The following IL17RD variants were observed in gnomAD, a reference collection of about 807,000 sequenced individuals.
IL17RD encodes the protein interleukin 17 receptor D, also known as interleukin-17 receptor D.
Under a neutral mutation model 80.5 loss-of-function variants are expected in IL17RD, and 52 were observed. The ratio of observed to expected loss-of-function variants is 0.65; its 90% CI spans 0.52 to 0.81. The LOEUF (loss-of-function observed/expected upper bound fraction) is 0.81. Among genes scored for constraint, IL17RD ranks in the 40% least tolerant of loss-of-function variants. IL17RD has a pLI of 0.00. For synonymous variants in IL17RD, 416 were observed against 391.8 expected, an observed-to-expected ratio of 1.06 and a Z score of -0.73; for missense variants, 1,024 against 955.1, an observed-to-expected ratio of 1.07 and a Z score of -0.95.
Position 57,091,842 on chromosome 3 carries a change from C to T in IL17RD, c.*4551G>A, listed in dbSNP as rs1706562022. 6.6e-6 allele frequency: 1 copy of T among 152,172 alleles called. No homozygotes were observed. The highest frequency in any genetic ancestry group is 2.1e-4 in the South Asian group (1 of 4,826). 9.4% of individuals were successfully genotyped at this position (152,172 alleles called of 1,614,324 possible). A position where few individuals can be genotyped will look rare whatever the true frequency, so the allele number is the denominator to read the frequency against. On this transcript the variant is annotated 3_prime_UTR_variant, in exon 13 of 13. Coordinates refer to ENST00000296318, the MANE Select transcript of IL17RD (RefSeq NM_017563.5). ...CTACAGCCATATGTCTGGAATAATT[C>T]AGGCACAGCCCTGTCTGACACCAGG...
In IL17RD at chr3:57,097,993, A is replaced by G; in HGVS notation, c.1710T>C (p.Pro570=). The G allele has an allele frequency of 6.2e-7, 1 of 1,613,980 alleles. No individual in the cohort carries two copies. Among genetic ancestry groups the G allele is most frequent in the Non-Finnish European group, 8.5e-7 (1 of 1,179,882 alleles). ...FEKQFVPFHP[P]PLRYREPVLE... Reference sequence around the variant, plus strand: ...AGACTGGCTCCCGGTAGCGCAGTGGAGGAGGATGGAAGGGAACGAACTGCT... The same window carrying G: ...AGACTGGCTCCCGGTAGCGCAGTGGGGGAGGATGGAAGGGAACGAACTGCT... The change falls in exon 12 of 13, where the codon CCT becomes CCC. Residue 570 remains proline, a synonymous_variant. Transcript: ENST00000296318.
At chr3:57,159,433 TC>T (rs1197951431) in intron 1 of IL17RD, among the ~76,000 whole-genome samples, 1 of 152,112 alleles carries the variant, frequency 6.6e-6, no homozygotes, top group East Asian at 1.9e-4. Flanking sequence ...GCAAATAGTC[TC>T]TTTACTTCCC....
At chr3:57,133,782 C>T (rs1182369733) in intron 1 of IL17RD, among the ~76,000 whole-genome samples, 1 of 152,158 alleles carries the variant, frequency 6.6e-6, no homozygotes, top group Admixed American at 6.6e-5. Context: ...CATATTTCCA[C>T]CCCTGATGAA....
At position 57,110,325 on chromosome 3, in the gene IL17RD, A is replaced by T; in HGVS notation, c.311-14T>A. 6.4e-7 allele frequency: 1 copy of T among 1,574,640 alleles called. No homozygotes were observed. The highest frequency in any genetic ancestry group is 8.6e-7 in the Non-Finnish European group (1 of 1,158,598). ...GGAATTCGATGCCTAAGCAAAGCAG[A>T]ATGCTTTTATTAATAGTGAACCTAA... is the stretch of plus-strand genomic sequence containing the variant. On this transcript the variant is annotated splice_polypyrimidine_tract_variant and intron_variant, in intron 3 of 12. Transcript: ENST00000296318.
intron 7 of IL17RD, among the ~76,000 whole-genome samples, chr3:57,105,552 A>AAAAAATATATACATATATATATAT: frequency 1.6e-5 from 1 of 63,590 alleles, no homozygotes; most frequent in Non-Finnish European, 2.8e-5. Context: ...AAAAAAAAAA[A>AAAAAATATATACATATATATATAT]ATATATATAT....
At chr3:57,110,458 G>GA (rs761363557) in intron 3 of IL17RD, 147 bp from the exon 4 acceptor site, 86 of 821,500 alleles carry the variant, frequency 1.0e-4, no homozygotes, top group East Asian at 1.6e-4. Context: ...CTATAGAATG[G>GA]AAAAAACACA....
intron 3 of IL17RD, among the ~76,000 whole-genome samples, chr3:57,111,966 A>G (rs1707108941): frequency 6.6e-6 from 1 of 151,720 alleles, no homozygotes; most frequent in South Asian, 2.1e-4. Context: ...TGTCTCAAAA[A>G]AAAAAAAAGA....
intron 5 of IL17RD, 76 bp downstream of exon 5, chr3:57,109,461 C>T (rs1707042915): frequency 5.8e-6 from 9 of 1,542,740 alleles, no homozygotes; most frequent in Non-Finnish European, 7.9e-6. Flanking sequence ...CGTTCTTGAA[C>T]ACATTTCTGT....
chr3:57,121,775 C>T (rs565996207), intron 1 of IL17RD, among the ~76,000 whole-genome samples: 117 of 152,242 alleles, frequency 7.7e-4, no homozygotes, highest in Admixed American at 2.1e-3. Flanking sequence ...TGGCAGACAC[C>T]ACAGTAACAC....
intron 1 of IL17RD, among the ~76,000 whole-genome samples, chr3:57,159,687 A>G (rs2060291015): frequency 6.6e-6 from 1 of 152,090 alleles, no homozygotes; most frequent in African/African-American, 2.4e-5. Flanking sequence ...TTGGGAGTAG[A>G]TGGGAAATGG....
intron 3 of IL17RD, 44 bp downstream of exon 3, chr3:57,114,648 A>G: frequency 6.4e-7 from 1 of 1,551,364 alleles, no homozygotes; most frequent in Non-Finnish European, 8.7e-7. Flanking sequence ...ACTGGGCCCT[A>G]TCCACCCAGG....
chr3:57,154,550 G>A (rs897708435), intron 1 of IL17RD, among the ~76,000 whole-genome samples: 2 of 152,060 alleles, frequency 1.3e-5, no homozygotes, highest in Admixed American at 6.5e-5. Flanking sequence ...AAGCTCAGTA[G>A]ATGGGAAATG....
At chr3:57,142,290 T>C (rs1185174254) in intron 1 of IL17RD, among the ~76,000 whole-genome samples, 2 of 152,244 alleles carry the variant, frequency 1.3e-5, no homozygotes, top group East Asian at 3.8e-4. Flanking sequence ...ACATTCCTTC[T>C]GGGAATTCAG....
intron 1 of IL17RD, among the ~76,000 whole-genome samples, chr3:57,154,577 T>C (rs1231482593): frequency 6.6e-6 from 1 of 151,990 alleles, no homozygotes; most frequent in African/African-American, 2.4e-5. Context: ...AGTGAAAAGA[T>C]GTGGGAGGTA....
upstream of IL17RD, chr3:57,165,404 A>G: frequency 2.4e-6 from 2 of 841,032 alleles, no homozygotes; most frequent in South Asian, 5.8e-5. Context: ...CGCACTGGGC[A>G]TGCGTTGCCA....
intron 1 of IL17RD, among the ~76,000 whole-genome samples, chr3:57,161,014 G>A (rs944630540): frequency 3.9e-5 from 6 of 152,206 alleles, no homozygotes; most frequent in African/African-American, 1.4e-4. Context: ...CACTGCAGGG[G>A]CTTGGGGTTG....
chr3:57,105,552 A>AAAAAAAAAAAATATATATAT, intron 7 of IL17RD, among the ~76,000 whole-genome samples: 7 of 63,588 alleles, frequency 1.1e-4, no homozygotes, highest in African/African-American at 4.7e-4. Flanking sequence ...AAAAAAAAAA[A>AAAAAAAAAAAATATATATAT]ATATATATAT....
Position 57,165,112 on chromosome 3 carries a change from C to G in IL17RD, c.126+49G>C. 2.0e-6 allele frequency: 3 copies of G among 1,467,356 alleles called. No homozygotes were observed. The South Asian group carries it at 4.0e-5, about 20-fold the overall frequency. The allele number at this position is 1,467,356 out of a possible 1,614,324, so 90.9% of individuals were successfully genotyped here. On this transcript the variant is annotated intron_variant, in intron 1 of 12. Transcript: ENST00000296318. ...TCCCCGCGAGCACCTGTGCGCGCTG[C>G]GTCCCCCGCGAGTTGGCGACGGCAA...
At chr3:57,146,505 C>T (rs28460546) in intron 1 of IL17RD, among the ~76,000 whole-genome samples, 31 of 152,102 alleles carry the variant, frequency 2.0e-4, no homozygotes, top group African/African-American at 6.0e-4. Context: ...AATCCCAGCA[C>T]GTTGGAAGGC....
Sources: gnomAD v4.1 joint callset for allele counts (sites outside exome capture counted in the v4.1 genomes callset) on GRCh38, gnomAD v4.1.1 for gene constraint, MANE v1.5 for transcripts, NCBI Gene and HGNC (gene_info 2026-07-23, HGNC 2026-07-21) for gene names.